The following ARHGAP24 variants were observed in gnomAD, a reference collection of about 807,000 sequenced individuals.
The protein encoded by ARHGAP24 is Rho GTPase activating protein 24, also known as rho GTPase-activating protein 24.
Under a neutral mutation model 76.4 loss-of-function variants are expected in ARHGAP24, and 50 were observed. The ratio of observed to expected loss-of-function variants is 0.65; its 90% CI spans 0.52 to 0.83. ARHGAP24 has a LOEUF of 0.83. Among genes scored for constraint, ARHGAP24 ranks in the 40% least tolerant of loss-of-function variants. The pLI is 0.00. For missense variants in ARHGAP24, 930 were observed against 914.2 expected, an observed-to-expected ratio of 1.02 and a Z score of -0.22; for synonymous variants, 345 against 323.3, an observed-to-expected ratio of 1.07 and a Z score of -0.72.
Position 86,000,709 on chromosome 4 carries a change from T to A in ARHGAP24, c.2234T>A (p.Ile745Lys). The A allele has an allele frequency of 6.2e-7, 1 of 1,613,676 alleles. No homozygotes were observed. Among genetic ancestry groups the A allele is most frequent in the South Asian group, 1.1e-5 (1 of 91,062 alleles). The change falls in exon 10 of 10, where the codon ATA becomes AAA. Residue 745 changes from isoleucine to lysine, a missense_variant. Coordinates refer to ENST00000395184, the MANE Select transcript of ARHGAP24 (RefSeq NM_001025616.3). The part of the protein sequence containing the change: ...EPRRTERGNT[I>K]WIQ ...AGGAGAACCGAGAGAGGAAACACAA[T>A]ATGGATTCAGTGAGCCTGCTTTCGC...
intron 2 of ARHGAP24, among the ~76,000 whole-genome samples, chr4:85,655,792 T>TATATATATATATATAG (rs1553920518): frequency 8.0e-5 from 3 of 37,664 alleles, no homozygotes; most frequent in African/African-American, 4.9e-4. Context: ...TATATATATA[T>TATATATATATATATAG]AGAGAGAGAG....
chr4:85,662,324 A>G (rs1435753645), intron 2 of ARHGAP24, among the ~76,000 whole-genome samples: 1 of 151,564 alleles, frequency 6.6e-6, no homozygotes, highest in Non-Finnish European at 1.5e-5. Flanking sequence ...TCTTTTGAGA[A>G]GTGTCTGTTG....
intron 2 of ARHGAP24, among the ~76,000 whole-genome samples, chr4:85,706,732 A>G (rs1460109816): frequency 1.3e-5 from 2 of 151,552 alleles, no homozygotes; most frequent in Non-Finnish European, 2.9e-5. Context: ...TGCCCGGCTA[A>G]TTTTTGTATT....
At chr4:85,989,228 G>GATAGTGATTTGCAAATGTAGTTTGCA (rs1295241755) in intron 8 of ARHGAP24, among the ~76,000 whole-genome samples, 7 of 151,764 alleles carry the variant, frequency 4.6e-5, no homozygotes, top group African/African-American at 1.7e-4. Flanking sequence ...AGGTCTTACA[G>GATAGTGATTTGCAAATGTAGTTTGCA]ATGTTAAAAT....
intron 2 of ARHGAP24, among the ~76,000 whole-genome samples, chr4:85,571,513 T>C (rs1727138442): frequency 1.3e-5 from 2 of 152,226 alleles, no homozygotes; most frequent in South Asian, 2.1e-4. Flanking sequence ...GATTCGTTTA[T>C]ATAAACAACC....
At chr4:85,734,659 T>TTTTTA (rs1725539460) in intron 3 of ARHGAP24, among the ~76,000 whole-genome samples, 2 of 147,306 alleles carry the variant, frequency 1.4e-5, no homozygotes, top group Non-Finnish European at 3.0e-5. Context: ...TTTTTTTTTT[T>TTTTTA]AGCAGCAATC....
chr4:85,830,959 T>C (rs1729966004), intron 3 of ARHGAP24, among the ~76,000 whole-genome samples: 1 of 152,154 alleles, frequency 6.6e-6, no homozygotes, highest in African/African-American at 2.4e-5. Flanking sequence ...CAGTGTGTCT[T>C]CTAAGGAAAT....
chr4:85,976,978 G>T (rs1372756269), intron 7 of ARHGAP24, among the ~76,000 whole-genome samples: 1 of 151,864 alleles, frequency 6.6e-6, no homozygotes, highest in East Asian at 1.9e-4. Context: ...TAGAGATGGG[G>T]TTTCACCATG....
chr4:85,563,709 A>G (rs1179496220), intron 1 of ARHGAP24, among the ~76,000 whole-genome samples: 1 of 152,212 alleles, frequency 6.6e-6, no homozygotes, highest in African/African-American at 2.4e-5. Context: ...ATTAGGAAGG[A>G]TGGCATTCAT....
chr4:85,849,824 T>A (rs1731115931), intron 3 of ARHGAP24, among the ~76,000 whole-genome samples: 1 of 152,154 alleles, frequency 6.6e-6, no homozygotes, highest in Non-Finnish European at 1.5e-5. Flanking sequence ...GAGAAGCTTT[T>A]TGATGTGCTG....
At chr4:85,622,510 G>A (rs1424194544) in intron 2 of ARHGAP24, among the ~76,000 whole-genome samples, 1 of 151,928 alleles carries the variant, frequency 6.6e-6, no homozygotes, top group Admixed American at 6.5e-5. Context: ...TGGACATTTA[G>A]GTTGGTTCCA....
chr4:85,694,403 C>T (rs542324411), intron 2 of ARHGAP24, among the ~76,000 whole-genome samples: 3 of 152,238 alleles, frequency 2.0e-5, no homozygotes, highest in South Asian at 2.1e-4. Context: ...ATCAGCCAAA[C>T]GTAAGCTCTA....
chr4:85,894,007 C>T (rs1019282954), intron 3 of ARHGAP24, among the ~76,000 whole-genome samples: 10 of 142,380 alleles, frequency 7.0e-5, no homozygotes, highest in Non-Finnish European at 1.1e-4. Context: ...CTAGATGACA[C>T]GTTAGTGGGT....
intron 3 of ARHGAP24, among the ~76,000 whole-genome samples, chr4:85,734,837 G>C (rs1725546448): frequency 6.6e-6 from 1 of 151,674 alleles, no homozygotes; most frequent in Non-Finnish European, 1.5e-5. Flanking sequence ...ATTCCACTTT[G>C]GCTATAACTG....
chr4:85,573,030 C>A (rs924729431), intron 2 of ARHGAP24, among the ~76,000 whole-genome samples: 1 of 151,788 alleles, frequency 6.6e-6, no homozygotes, highest in Non-Finnish European at 1.5e-5. Context: ...GAGTGCGCCA[C>A]CACACCCGGC....
intron 3 of ARHGAP24, among the ~76,000 whole-genome samples, chr4:85,794,491 A>AT (rs1321533161): frequency 1.3e-5 from 2 of 151,598 alleles, no homozygotes; most frequent in South Asian, 2.1e-4. Context: ...ATTCTTTTTT[A>AT]TTTTTTTTCG....
intron 2 of ARHGAP24, among the ~76,000 whole-genome samples, chr4:85,601,263 G>T (rs965922219): frequency 1.3e-5 from 2 of 152,086 alleles, no homozygotes; most frequent in African/African-American, 4.8e-5. Flanking sequence ...TGTATAATAG[G>T]TGCTCAATAA....
At chr4:85,505,543 A>G (rs367868721) in intron 1 of ARHGAP24, among the ~76,000 whole-genome samples, 1 of 152,144 alleles carries the variant, frequency 6.6e-6, no homozygotes, top group South Asian at 2.1e-4. Context: ...TGCGTCACAA[A>G]GTTCTAATGC....
chr4:85,933,283 T>A (rs1049674261), intron 4 of ARHGAP24, among the ~76,000 whole-genome samples: 8 of 152,032 alleles, frequency 5.3e-5, no homozygotes, highest in African/African-American at 1.2e-4. Context: ...ATATATATAT[T>A]TTTTTACTGT....
Sources: gnomAD v4.1 joint callset for allele counts (sites outside exome capture counted in the v4.1 genomes callset) on GRCh38, gnomAD v4.1.1 for gene constraint, MANE v1.5 for transcripts, NCBI Gene and HGNC (gene_info 2026-07-23, HGNC 2026-07-21) for gene names.